Variants in PLCL2 observed in about 807,000 individuals in gnomAD.
PLCL2 encodes phospholipase C like 2.
In PLCL2, 4 loss-of-function variants were observed where a neutral mutation model predicts 79.6. The observed-to-expected ratio is 0.05, with a 90% confidence interval of 0.02 to 0.11. PLCL2 has a LOEUF of 0.11. Among genes scored for constraint, PLCL2 ranks in the 10% least tolerant of loss-of-function variants. PLCL2 has a pLI of 1.00. For synonymous variants in PLCL2, 484 were observed against 457.7 expected, an observed-to-expected ratio of 1.06 and a Z score of -0.73; for missense variants, 895 against 1,291.0, an observed-to-expected ratio of 0.69 and a Z score of 4.70.
intron 1 of PLCL2, among the ~76,000 whole-genome samples, chr3:16,994,884 GGGCT>G (rs1358856439): frequency 1.8e-4 from 27 of 152,160 alleles, no homozygotes; most frequent in African/African-American, 6.3e-4. Flanking sequence ...CCCCATTTGT[GGGCT>G]ATACAGGCAT....
At chr3:17,041,574 T>C (rs2064722296) in intron 3 of PLCL2, among the ~76,000 whole-genome samples, 1 of 152,194 alleles carries the variant, frequency 6.6e-6, no homozygotes, top group African/African-American at 2.4e-5. Flanking sequence ...TTTTGAATTA[T>C]GCAAATAATC....
At position 17,009,685 on chromosome 3, in the gene PLCL2, A is replaced by G; in HGVS notation, c.339A>G (p.Lys113=). The G allele has an allele frequency of 6.3e-7, 1 of 1,595,812 alleles. No homozygotes were observed. The highest frequency in any genetic ancestry group is 8.6e-7 in the Non-Finnish European group (1 of 1,164,728). The change falls in exon 2 of 6, where the codon AAA becomes AAG. Residue 113 remains lysine, a synonymous_variant. Transcript: ENST00000615277. The surrounding 1 kb of genome is among the most constrained non-coding windows in gnomAD (Gnocchi z 4.0). ...RRSSIIKDGT[K]QKRERKKTVS... is the part of the protein sequence containing the mutation. Reference sequence around the variant, plus strand: ...TTTTTTCCTCTCAGGATGGTACAAAACAGAAGAGGGAACGGAAAAAGACAG... The same window carrying G: ...TTTTTTCCTCTCAGGATGGTACAAAGCAGAAGAGGGAACGGAAAAAGACAG...
chr3:17,023,973 C>T (rs546311180), intron 3 of PLCL2, among the ~76,000 whole-genome samples: 1 of 152,154 alleles, frequency 6.6e-6, no homozygotes, highest in Non-Finnish European at 1.5e-5. Flanking sequence ...TGAAGCCACC[C>T]AGCCTGCAGC....
rs1452130555 is a variant in PLCL2 at position 17,068,630 on chromosome 3, T to C, written c.3204+565T>C. On this transcript the variant is annotated intron_variant, in intron 5 of 5. Transcript: ENST00000615277. ...CATAACAGTTGTTAAAAATTAACTT[T>C]TTATTTTTTATTATAAAAATAATAT... Among the ~76,000 whole-genome samples, 3 of 152,162 alleles carry C rather than the reference T, an allele frequency of 2.0e-5. No homozygotes were observed. The East Asian group carries it at 5.8e-4, about 29-fold the overall frequency.
At chr3:16,983,277 C>T (rs781185320) in intron 1 of PLCL2, among the ~76,000 whole-genome samples, 9 of 152,140 alleles carry the variant, frequency 5.9e-5, no homozygotes, top group African/African-American at 1.2e-4. Flanking sequence ...CAAGTTTAAA[C>T]GTCTATAATT....
chr3:16,947,488 C>T (rs1559494740), intron 1 of PLCL2, among the ~76,000 whole-genome samples: 1 of 152,104 alleles, frequency 6.6e-6, no homozygotes, highest in Non-Finnish European at 1.5e-5. Flanking sequence ...TCTGCAAAGC[C>T]TTTGGGTTGA....
intron 1 of PLCL2, among the ~76,000 whole-genome samples, chr3:16,940,690 A>T (rs567297644): frequency 4.3e-4 from 65 of 152,246 alleles, no homozygotes; most frequent in Non-Finnish European, 8.4e-4. Context: ...ATCAGATAGG[A>T]TAGAGGTTCA....
intron 1 of PLCL2, among the ~76,000 whole-genome samples, chr3:16,936,710 T>C (rs1333238295): frequency 6.6e-6 from 1 of 152,186 alleles, no homozygotes; most frequent in South Asian, 2.1e-4. Context: ...GAAAATAATA[T>C]ATAACTTTGT....
At chr3:16,944,759 G>GTT (rs377143758) in intron 1 of PLCL2, among the ~76,000 whole-genome samples, 5 of 143,612 alleles carry the variant, frequency 3.5e-5, no homozygotes, top group Non-Finnish European at 1.5e-5. Context: ...TGTACTCCGG[G>GTT]TTTTTTTTTT....
chr3:16,954,391 G>A (rs1374358457), intron 1 of PLCL2, among the ~76,000 whole-genome samples: 1 of 152,304 alleles, frequency 6.6e-6, no homozygotes, highest in Non-Finnish European at 1.5e-5. Context: ...ATTCCATGGT[G>A]TATATGTGCC....
At chr3:16,947,307 A>G (rs2063612245) in intron 1 of PLCL2, among the ~76,000 whole-genome samples, 1 of 152,150 alleles carries the variant, frequency 6.6e-6, no homozygotes, top group African/African-American at 2.4e-5. Flanking sequence ...ATAAACTGCT[A>G]AAAGAGCAGT....
chr3:17,037,431 T>C (rs980760100), intron 3 of PLCL2, among the ~76,000 whole-genome samples: 9 of 152,238 alleles, frequency 5.9e-5, no homozygotes, highest in East Asian at 1.9e-4. Context: ...TTCCCTGTTA[T>C]GTGTCAAGTA....
intron 5 of PLCL2, among the ~76,000 whole-genome samples, chr3:17,085,810 AT>A (rs1487431366): frequency 2.0e-5 from 3 of 152,194 alleles, no homozygotes; most frequent in East Asian, 3.8e-4. Flanking sequence ...ACACATGACC[AT>A]TTACATTAGA....
intron 1 of PLCL2, among the ~76,000 whole-genome samples, chr3:16,995,207 G>A (rs750367995): frequency 3.3e-5 from 5 of 152,358 alleles, no homozygotes; most frequent in Non-Finnish European, 2.9e-5. Context: ...ATGTCCTTTA[G>A]TGTAGTTTAT....
At chr3:16,994,664 A>C (rs761101193) in intron 1 of PLCL2, among the ~76,000 whole-genome samples, 1 of 152,224 alleles carries the variant, frequency 6.6e-6, no homozygotes, top group East Asian at 1.9e-4. Flanking sequence ...ATAGATTTCT[A>C]CTTGGTGTTT....
At chr3:17,080,446 C>T (rs2065151300) in intron 5 of PLCL2, among the ~76,000 whole-genome samples, 1 of 152,092 alleles carries the variant, frequency 6.6e-6, no homozygotes, top group Non-Finnish European at 1.5e-5. Context: ...CTCCTACAAT[C>T]CATTCATTCT....
chr3:16,954,030 TTTATTA>T (rs942655013), intron 1 of PLCL2, among the ~76,000 whole-genome samples: 1 of 152,132 alleles, frequency 6.6e-6, no homozygotes, highest in Admixed American at 6.6e-5. Flanking sequence ...TGTTTTTAAT[TTTATTA>T]TTATTATACT....
chr3:17,035,801 A>G (rs752243590), intron 3 of PLCL2: 11 of 512,036 alleles, frequency 2.1e-5, no homozygotes, highest in Non-Finnish European at 3.5e-5. Flanking sequence ...AGAAAGCTTA[A>G]CAATATTTTA....
chr3:16,902,419 G>T (rs997548952), intron 1 of PLCL2, among the ~76,000 whole-genome samples: 10 of 152,322 alleles, frequency 6.6e-5, no homozygotes, highest in African/African-American at 9.6e-5. Context: ...TAAGAGAAAT[G>T]ATCAGTTCTG....
Sources: gnomAD v4.1 joint callset for allele counts (sites outside exome capture counted in the v4.1 genomes callset) on GRCh38, gnomAD v4.1.1 for gene constraint, Gnocchi (gnomAD v3.1) non-coding constraint, MANE v1.5 for transcripts, NCBI Gene and HGNC (gene_info 2026-07-23, HGNC 2026-07-21) for gene names.